RIMS2: variants seen among roughly 807,000 people sequenced by gnomAD.
RIMS2 encodes the protein regulating synaptic membrane exocytosis 2.
RIMS2 carries 59 observed loss-of-function variants against 174.4 expected under a neutral mutation model. The observed-to-expected ratio is 0.34, with a 90% CI of 0.27 to 0.42. The LOEUF is 0.42. Ranked by LOEUF, RIMS2 falls within the 10% of genes least tolerant of loss-of-function variation. The probability of loss-of-function intolerance (pLI) is 1.00; values close to 1 mark genes in which losing one functional copy is unlikely to be tolerated. For synonymous variants in RIMS2, 606 were observed against 572.5 expected (o/e 1.06, Z -0.84); for missense variants, 1,620 against 1,666.3 (o/e 0.97, Z 0.48).
chr8:104,161,575 CT>C (rs973138030), intron 19 of RIMS2, among the ~76,000 whole-genome samples: 1 of 152,034 alleles, frequency 6.6e-6, no homozygotes, highest in South Asian at 2.1e-4. Context: ...TAAGGGACAA[CT>C]TTTTTTAGAT....
intron 19 of RIMS2, among the ~76,000 whole-genome samples, chr8:104,167,072 G>A (rs570037843): frequency 1.2e-3 from 188 of 152,280 alleles, no homozygotes; most frequent in African/African-American, 4.4e-3. Flanking sequence ...AAATTGTGCT[G>A]ATATAAACAC....
rs182793467 is a variant in RIMS2, at chr8:103,750,193, T to A, written c.388-16034T>A. Reference sequence around the variant, plus strand: ...TATTTTTTCCCCTAAGAAAAAAAAATTTCCATTAAAAATATAGTAACTTTA... The same window carrying A: ...TATTTTTTCCCCTAAGAAAAAAAAAATTCCATTAAAAATATAGTAACTTTA... On this transcript the variant is annotated intron_variant, in intron 2 of 23. Transcript: ENST00000504942. 5.7e-4 allele frequency among the ~76,000 whole-genome samples: 86 copies of A among 152,126 alleles called. 1 individual carries two copies. The highest frequency in any genetic ancestry group is 2.5e-3 in the South Asian group (12 of 4,820).
At chr8:103,550,869 A>C (rs1286773320) in intron 1 of RIMS2, among the ~76,000 whole-genome samples, 3 of 146,788 alleles carry the variant, frequency 2.0e-5, no homozygotes, top group Admixed American at 6.7e-5. Context: ...GAAATGGATA[A>C]ATTCCTCGAC....
intron 19 of RIMS2, among the ~76,000 whole-genome samples, chr8:104,208,840 TA>T (rs1414420246): frequency 6.6e-6 from 1 of 152,224 alleles, no homozygotes; most frequent in Non-Finnish European, 1.5e-5. Context: ...CCCAGCCTGA[TA>T]GACACTTTTA....
intron 19 of RIMS2, among the ~76,000 whole-genome samples, chr8:104,043,599 G>A (rs1448761165): frequency 6.6e-6 from 1 of 151,596 alleles, no homozygotes; most frequent in African/African-American, 2.4e-5. Flanking sequence ...CATGAATTGG[G>A]AGATAAGGTC....
chr8:103,982,786 C>T (rs1205612966), intron 16 of RIMS2, among the ~76,000 whole-genome samples: 2 of 152,148 alleles, frequency 1.3e-5, no homozygotes. Flanking sequence ...AGACTCACAG[C>T]TAGTATCATA....
intron 19 of RIMS2, among the ~76,000 whole-genome samples, chr8:104,175,272 CT>C (rs1256661856): frequency 6.6e-6 from 1 of 151,114 alleles, no homozygotes; most frequent in Non-Finnish European, 1.5e-5. Context: ...TACTTTCTTT[CT>C]TTTTTTAAAT....
At chr8:104,048,403 G>C (rs1225870683) in intron 19 of RIMS2, among the ~76,000 whole-genome samples, 1 of 152,034 alleles carries the variant, frequency 6.6e-6, no homozygotes, top group African/African-American at 2.4e-5. Flanking sequence ...AAAACACCAT[G>C]GTGATGCCTG....
intron 19 of RIMS2, among the ~76,000 whole-genome samples, chr8:104,201,665 A>G (rs961152092): frequency 5.3e-5 from 8 of 152,202 alleles, no homozygotes; most frequent in African/African-American, 1.9e-4. Context: ...TGATGAAATG[A>G]GAAACATGTT....
intron 2 of RIMS2, among the ~76,000 whole-genome samples, chr8:103,701,882 T>A (rs1431762633): frequency 6.6e-6 from 1 of 152,142 alleles, no homozygotes; most frequent in Non-Finnish European, 1.5e-5. Context: ...GTGAATAGGC[T>A]TCAATAAACA....
intron 4 of RIMS2, among the ~76,000 whole-genome samples, chr8:103,899,502 T>C (rs977581062): frequency 1.3e-5 from 2 of 151,870 alleles, no homozygotes; most frequent in African/African-American, 2.4e-5. Context: ...CATGTGTCTG[T>C]TGGTTGCATA....
intron 1 of RIMS2, among the ~76,000 whole-genome samples, chr8:103,567,726 TA>T (rs757849134): frequency 6.6e-6 from 1 of 152,174 alleles, no homozygotes; most frequent in East Asian, 1.9e-4. Flanking sequence ...TTTAAGTTTT[TA>T]AAAAACTGCC....
intron 1 of RIMS2, among the ~76,000 whole-genome samples, chr8:103,506,638 G>A (rs1823776760): frequency 6.6e-6 from 1 of 152,162 alleles, no homozygotes; most frequent in African/African-American, 2.4e-5. Flanking sequence ...ATTGTTAACT[G>A]ACATAGATAG....
At chr8:103,583,814 G>C (rs2093751625) in intron 1 of RIMS2, among the ~76,000 whole-genome samples, 1 of 152,230 alleles carries the variant, frequency 6.6e-6, no homozygotes, top group African/African-American at 2.4e-5. Context: ...AAGTGTTATT[G>C]TCCTTAAAGA....
chr8:103,697,769 G>A (rs2097123782), intron 2 of RIMS2, among the ~76,000 whole-genome samples: 2 of 152,028 alleles, frequency 1.3e-5, no homozygotes, highest in South Asian at 4.2e-4. Context: ...GCTCAAACCT[G>A]TAATCCCAGC....
At chr8:103,619,846 G>T (rs191853518) in intron 1 of RIMS2, among the ~76,000 whole-genome samples, 2 of 152,034 alleles carry the variant, frequency 1.3e-5, no homozygotes, top group Non-Finnish European at 2.9e-5. Context: ...AAAAGGCTAT[G>T]TATTTTTCTG....
intron 17 of RIMS2, among the ~76,000 whole-genome samples, chr8:104,005,904 T>G (rs991609491): frequency 8.6e-5 from 13 of 151,916 alleles, no homozygotes; most frequent in Admixed American, 2.0e-4. Context: ...ACGAAAACAG[T>G]CTATGTAGAA....
intron 19 of RIMS2, among the ~76,000 whole-genome samples, chr8:104,090,609 G>A (rs4581014): frequency 0.23 from 35,598 of 151,492 alleles, 4,478 homozygotes; most frequent in African/African-American, 0.33. Context: ...CATGTTCTAT[G>A]TCAGCCAAGA....
intron 19 of RIMS2, among the ~76,000 whole-genome samples, chr8:104,067,099 A>G (rs2097119364): frequency 6.6e-6 from 1 of 152,134 alleles, no homozygotes; most frequent in South Asian, 2.1e-4. Context: ...CTTTTCCTTT[A>G]ATCCATTTTA....
Sources: allele counts gnomAD v4.1 joint callset (sites outside exome capture counted in the v4.1 genomes callset), GRCh38; gene constraint gnomAD v4.1.1; transcripts MANE v1.5; gene names NCBI Gene and HGNC (gene_info 2026-07-23, HGNC 2026-07-21).